The following CMC1 variants were observed in gnomAD, a reference collection of about 807,000 sequenced individuals.
CMC1 encodes C-X9-C motif containing 1, also known as COX assembly mitochondrial protein homolog.
Under a neutral mutation model 14.1 loss-of-function variants are expected in CMC1, and 14 were observed. The observed-to-expected ratio is 0.99, with a 90% confidence interval of 0.66 to 1.55. CMC1 has a LOEUF of 1.55. Among genes scored for constraint, CMC1 ranks in the 40% most tolerant of loss-of-function variants. The pLI is 0.00. For synonymous variants in CMC1, 50 were observed against 38.4 expected, an observed-to-expected ratio of 1.30 and a Z score of -1.12; for missense variants, 127 against 123.8, an observed-to-expected ratio of 1.03 and a Z score of -0.12.
intron 2 of CMC1, among the ~76,000 whole-genome samples, chr3:28,300,940 AC>A (rs1179168369): frequency 8.8e-6 from 1 of 113,390 alleles, no homozygotes; most frequent in Non-Finnish European, 1.8e-5. Context: ...ACACATGCAC[AC>A]CCCCCAAACA....
intron 2 of CMC1, among the ~76,000 whole-genome samples, chr3:28,315,739 A>G (rs1166567035): frequency 6.6e-6 from 1 of 152,030 alleles, no homozygotes; most frequent in East Asian, 1.9e-4. Flanking sequence ...TACCTTTTCT[A>G]TGTTTAGAAA....
At position 28,324,018 on chromosome 3, in the gene CMC1, G is replaced by A; in HGVS notation, c.*4389G>A. 1 of 1,575,360 alleles carries A rather than the reference G, an allele frequency of 6.3e-7. No homozygotes were observed. The highest frequency in any genetic ancestry group is 8.7e-7 in the Non-Finnish European group (1 of 1,154,044). On this transcript the variant is annotated 3_prime_UTR_variant, in exon 4 of 4. Coordinates refer to ENST00000466830, the MANE Select transcript of CMC1 (RefSeq NM_182523.2). Reference sequence around the variant, plus strand: ...ACTGAAAGAGATAAGTGTCCTCATGGTGAAATCGTGAATCTCTTCCAAATT... The same window carrying A: ...ACTGAAAGAGATAAGTGTCCTCATGATGAAATCGTGAATCTCTTCCAAATT...
chr3:28,310,441 T>G (rs1348116770), intron 2 of CMC1, among the ~76,000 whole-genome samples: 1 of 152,206 alleles, frequency 6.6e-6, no homozygotes, highest in Non-Finnish European at 1.5e-5. Flanking sequence ...ATATTGTAAT[T>G]TATTGAATCA....
At chr3:28,312,392 T>G (rs1021480933) in intron 2 of CMC1, among the ~76,000 whole-genome samples, 1 of 152,234 alleles carries the variant, frequency 6.6e-6, no homozygotes, top group Non-Finnish European at 1.5e-5. Flanking sequence ...TGATGTGTTT[T>G]AAAATTGTCA....
chr3:28,293,870 C>T (rs1206506504), intron 2 of CMC1, among the ~76,000 whole-genome samples: 6 of 152,144 alleles, frequency 3.9e-5, no homozygotes, highest in African/African-American at 1.4e-4. Flanking sequence ...GCATGAGACA[C>T]CATGCCTGGC....
intron 2 of CMC1, among the ~76,000 whole-genome samples, chr3:28,295,866 A>C (rs1701715242): frequency 6.6e-6 from 1 of 152,050 alleles, no homozygotes; most frequent in African/African-American, 2.4e-5. Flanking sequence ...GAACCCACAG[A>C]TAAGGAATGG....
At position 28,254,284 on chromosome 3, in the gene CMC1, TC is replaced by T. The variant is rs1317936215; in HGVS notation, c.20-9006del. 2.6e-5 allele frequency among the ~76,000 whole-genome samples: 4 copies of T among 152,350 alleles called. No individual in the cohort carries two copies. In the East Asian group the frequency reaches 7.7e-4, roughly 29 times the overall value. On this transcript the variant is annotated intron_variant, in intron 1 of 3. Transcript: ENST00000466830. ...AATATTGTGAATCAAAATTGCCATT[TC>T]TATAATATTTGTAATGTTGAAGATA...
intron 1 of CMC1, among the ~76,000 whole-genome samples, chr3:28,252,116 A>G (rs189295181): frequency 4.8e-4 from 73 of 152,308 alleles, no homozygotes; most frequent in Non-Finnish European, 8.7e-4. Flanking sequence ...ACTTTTAAAT[A>G]TGTTGTCCCT....
chr3:28,259,567 C>T (rs1296605829), intron 1 of CMC1, among the ~76,000 whole-genome samples: 1 of 152,120 alleles, frequency 6.6e-6, no homozygotes, highest in Admixed American at 6.5e-5. Context: ...CCACTTTTTA[C>T]ATGCATTTTT....
intron 2 of CMC1, among the ~76,000 whole-genome samples, chr3:28,311,400 C>T (rs184323884): frequency 1.1e-4 from 17 of 152,168 alleles, no homozygotes; most frequent in African/African-American, 3.9e-4. Flanking sequence ...ATTTTATAGA[C>T]GAATGTATAT....
At chr3:28,265,053 G>C (rs1334397295) in intron 2 of CMC1, among the ~76,000 whole-genome samples, 1 of 152,128 alleles carries the variant, frequency 6.6e-6, no homozygotes, top group Admixed American at 6.6e-5. Flanking sequence ...AGAAAATAAA[G>C]TGTTTAATTT....
intron 2 of CMC1, among the ~76,000 whole-genome samples, chr3:28,276,904 A>G (rs1187131265): frequency 1.3e-5 from 2 of 152,204 alleles, no homozygotes; most frequent in East Asian, 1.9e-4. Flanking sequence ...TTTGAAGCGT[A>G]ATGTACAAAA....
chr3:28,296,269 C>T (rs1701736231), intron 2 of CMC1, among the ~76,000 whole-genome samples: 1 of 151,898 alleles, frequency 6.6e-6, no homozygotes, highest in South Asian at 2.1e-4. Context: ...ATATTTTATA[C>T]TAAAACCAGA....
chr3:28,248,845 A>G (rs1055023451), intron 1 of CMC1, among the ~76,000 whole-genome samples: 1 of 152,070 alleles, frequency 6.6e-6, no homozygotes, highest in Non-Finnish European at 1.5e-5. Flanking sequence ...GCTGGAGTGC[A>G]GTGGCGTGAT....
intron 1 of CMC1, among the ~76,000 whole-genome samples, chr3:28,258,195 C>G (rs1490295228): frequency 1.3e-5 from 2 of 150,542 alleles, no homozygotes; most frequent in Non-Finnish European, 3.0e-5. Context: ...ATTCTGGACT[C>G]AAGTCCTTTG....
At chr3:28,257,346 G>T (rs1302623544) in intron 1 of CMC1, among the ~76,000 whole-genome samples, 4 of 151,984 alleles carry the variant, frequency 2.6e-5, no homozygotes, top group Non-Finnish European at 5.9e-5. Flanking sequence ...GTACTCCTTT[G>T]TCTGCTTTCT....
At position 28,316,368 on chromosome 3, in the gene CMC1, A is replaced by T; in HGVS notation, c.145A>T (p.Met49Leu). The stretch of plus-strand genomic sequence containing the variant: ...ATGTTGCAAGAACTCTGGAGTTCTT[A>T]TGGTAGTAAAATGCCGGAAAGAAAA... ...TKCCKNSGVL[M>L]VVKCRKENSA... is the part of the protein sequence containing the mutation. The change falls in exon 3 of 4, where the codon ATG becomes TTG. Residue 49 changes from methionine to leucine, a missense_variant. Coordinates refer to ENST00000466830, the MANE Select transcript of CMC1 (RefSeq NM_182523.2). 6.3e-7 allele frequency: 1 copy of T among 1,594,984 alleles called. No homozygotes were observed. The highest frequency in any genetic ancestry group is 8.5e-7 in the Non-Finnish European group (1 of 1,172,588).
intron 2 of CMC1, among the ~76,000 whole-genome samples, chr3:28,282,687 A>G (rs1700961250): frequency 6.6e-6 from 1 of 152,158 alleles, no homozygotes; most frequent in Admixed American, 6.5e-5. Flanking sequence ...AATCAACACC[A>G]GTAATTTTAC....
intron 2 of CMC1, among the ~76,000 whole-genome samples, chr3:28,279,016 A>G (rs778582296): frequency 6.6e-6 from 1 of 152,234 alleles, no homozygotes; most frequent in Non-Finnish European, 1.5e-5. Context: ...TTCAGTTTAT[A>G]AAGAGTTCTG....
Sources: allele counts gnomAD v4.1 joint callset (sites outside exome capture counted in the v4.1 genomes callset), GRCh38; gene constraint gnomAD v4.1.1; transcripts MANE v1.5; gene names NCBI Gene and HGNC (gene_info 2026-07-23, HGNC 2026-07-21).